The following FANK1 variants were observed in gnomAD, a reference collection of about 807,000 sequenced individuals.
The protein encoded by FANK1 is fibronectin type 3 and ankyrin repeat domains protein 1.
Under a neutral mutation model 45.3 loss-of-function variants are expected in FANK1, and 44 were observed. That is an observed-to-expected ratio of 0.97 (90% CI 0.76 to 1.25). The LOEUF is 1.25. Ranked by LOEUF, FANK1 falls within the 50% of genes most tolerant of loss-of-function variation. The pLI is 0.00. For missense variants in FANK1, 391 were observed against 424.4 expected (o/e 0.92, Z 0.69); for synonymous variants, 149 against 152.5 (o/e 0.98, Z 0.17).
intron 6 of FANK1, among the ~76,000 whole-genome samples, chr10:126,003,019 G>A (rs574284449): frequency 2.0e-5 from 3 of 152,090 alleles, no homozygotes; most frequent in African/African-American, 4.8e-5. Context: ...GTGGGGTTTT[G>A]GGGGTGTTGT....
intron 3 of FANK1, among the ~76,000 whole-genome samples, chr10:125,992,608 C>T (rs1230310311): frequency 6.6e-6 from 1 of 152,148 alleles, no homozygotes; most frequent in Non-Finnish European, 1.5e-5. Context: ...AAGCCCTGGT[C>T]TTTGCTACAA....
rs553733305 is a variant in FANK1, at chr10:125,935,028, A to T, written c.13+38373A>T. ...GTGGAGGCTATGCTGTGCATGCCCC[A>T]ATCTCTTCTGCCTGGGGGTGTGGGC... On this transcript the variant is annotated intron_variant, in intron 1 of 10. Transcript: ENST00000368693. 3.0e-3 allele frequency among the ~76,000 whole-genome samples: 461 copies of T among 152,074 alleles called. 1 individual carries two copies. Among genetic ancestry groups the T allele is most frequent in the African/African-American group, 0.011 (454 of 41,464 alleles).
intron 4 of FANK1, 118 bp from the exon 5 acceptor site, chr10:125,996,432 A>G: frequency 1.2e-6 from 1 of 811,786 alleles, no homozygotes; most frequent in Admixed American, 2.4e-5. Context: ...CCACAAAGAA[A>G]TTGGAATTTT....
intron 3 of FANK1, chr10:125,989,509 G>T: frequency 1.2e-6 from 1 of 805,496 alleles, no homozygotes. Flanking sequence ...CAAGTTTTGT[G>T]TAGACTAAAG....
At chr10:125,980,034 G>T in intron 1 of FANK1, 127 bp from the exon 2 acceptor site, 1 of 915,780 alleles carries the variant, frequency 1.1e-6, no homozygotes, top group South Asian at 1.7e-5. Flanking sequence ...CAACAGGGAG[G>T]TATGCTCATA....
intron 1 of FANK1, among the ~76,000 whole-genome samples, chr10:125,960,636 T>G (rs1190187340): frequency 6.6e-6 from 1 of 152,216 alleles, no homozygotes; most frequent in Non-Finnish European, 1.5e-5. Flanking sequence ...ATGTCATTCT[T>G]CTGCCTCAGC....
intron 1 of FANK1, among the ~76,000 whole-genome samples, chr10:125,958,982 C>G (rs986342897): frequency 3.3e-5 from 5 of 152,100 alleles, no homozygotes; most frequent in African/African-American, 7.2e-5. Context: ...AAATCAAAGG[C>G]ACGGCATCAA....
intron 1 of FANK1, among the ~76,000 whole-genome samples, chr10:125,975,906 G>A (rs1006602598): frequency 4.6e-5 from 7 of 152,158 alleles, no homozygotes; most frequent in African/African-American, 1.7e-4. Flanking sequence ...TGTTTGTGTG[G>A]TTGCTTTACA....
chr10:125,949,836 G>C (rs1457976433), intron 1 of FANK1, among the ~76,000 whole-genome samples: 2 of 148,192 alleles, frequency 1.3e-5, no homozygotes, highest in African/African-American at 2.5e-5. Context: ...GAACAAAGCT[G>C]GAGGCATCAC....
intron 1 of FANK1, among the ~76,000 whole-genome samples, chr10:125,943,917 G>A (rs1332044278): frequency 2.0e-5 from 3 of 152,208 alleles, no homozygotes; most frequent in African/African-American, 2.4e-5. Flanking sequence ...AGCGAACTGC[G>A]TCCAGAATAT....
At chr10:126,009,315 A>G in intron 10 of FANK1, 49 bp downstream of exon 10, 1 of 1,613,986 alleles carries the variant, frequency 6.2e-7, no homozygotes, top group Non-Finnish European at 8.5e-7. Flanking sequence ...GTCCTTCTAG[A>G]CTCAGAAAAA....
chr10:125,950,576 C>G (rs1949141636), intron 1 of FANK1, among the ~76,000 whole-genome samples: 1 of 152,130 alleles, frequency 6.6e-6, no homozygotes, highest in Non-Finnish European at 1.5e-5. Context: ...GATACCATCT[C>G]ACACCAGTTA....
intron 3 of FANK1, among the ~76,000 whole-genome samples, chr10:125,990,867 G>A (rs531044866): frequency 3.3e-5 from 5 of 152,306 alleles, no homozygotes; most frequent in African/African-American, 9.6e-5. Context: ...AGGAGTAAAG[G>A]CATGTCTTCC....
chr10:125,905,138 A>AAC (rs1296994202), intron 1 of FANK1, among the ~76,000 whole-genome samples: 1 of 138,964 alleles, frequency 7.2e-6, no homozygotes, highest in Non-Finnish European at 1.6e-5. Flanking sequence ...CCCAAAAAAA[A>AAC]AAAAAAAAAA....
intron 1 of FANK1, among the ~76,000 whole-genome samples, chr10:125,968,342 G>A (rs1296836783): frequency 6.6e-6 from 1 of 152,134 alleles, no homozygotes; most frequent in Non-Finnish European, 1.5e-5. Flanking sequence ...AGCCACCACT[G>A]TTCTCATATA....
intron 1 of FANK1, among the ~76,000 whole-genome samples, chr10:125,947,127 A>G (rs1948861007): frequency 1.3e-5 from 2 of 151,226 alleles, no homozygotes; most frequent in Admixed American, 1.3e-4. Context: ...TAAACATGGA[A>G]AGGAACAACC....
intron 1 of FANK1, among the ~76,000 whole-genome samples, chr10:125,934,117 A>T (rs527585938): frequency 6.6e-6 from 1 of 152,324 alleles, no homozygotes; most frequent in Admixed American, 6.5e-5. Context: ...AATAAAACAC[A>T]GTCCTGCTCT....
intron 1 of FANK1, among the ~76,000 whole-genome samples, chr10:125,955,926 A>G (rs1949544667): frequency 6.6e-6 from 1 of 152,222 alleles, no homozygotes; most frequent in Admixed American, 6.5e-5. Context: ...AGGATATATC[A>G]TGTTCAAGGA....
At chr10:125,957,805 G>A (rs567372461) in intron 1 of FANK1, among the ~76,000 whole-genome samples, 7 of 152,234 alleles carry the variant, frequency 4.6e-5, no homozygotes, top group South Asian at 2.1e-4. Flanking sequence ...GGTTATAGGC[G>A]TGAGCCACCA....
Sources: allele counts gnomAD v4.1 joint callset (sites outside exome capture counted in the v4.1 genomes callset), GRCh38; gene constraint gnomAD v4.1.1; transcripts MANE v1.5; gene names NCBI Gene and HGNC (gene_info 2026-07-23, HGNC 2026-07-21).